CNTNAP2: variants seen among roughly 807,000 people sequenced by gnomAD.
CNTNAP2 encodes contactin associated protein 2.
Under a neutral mutation model 155.2 loss-of-function variants are expected in CNTNAP2, and 98 were observed. The observed-to-expected ratio is 0.63, with a 90% CI of 0.54 to 0.75. The LOEUF (loss-of-function observed/expected upper bound fraction) is 0.75, where lower values mean the gene tolerates loss of function less well. CNTNAP2 is among the 30% of genes least tolerant of loss of function. The probability of loss-of-function intolerance (pLI) is 0.00; values close to 1 mark genes in which losing one functional copy is unlikely to be tolerated. For synonymous variants in CNTNAP2, 651 were observed against 631.2 expected (o/e 1.03, Z -0.47); for missense variants, 1,727 against 1,688.1 (o/e 1.02, Z -0.40).
intron 8 of CNTNAP2, among the ~76,000 whole-genome samples, chr7:147,200,596 A>G (rs1322938549): frequency 6.6e-6 from 1 of 152,194 alleles, no homozygotes; most frequent in Non-Finnish European, 1.5e-5. Flanking sequence ...CTGCACAGGC[A>G]GACGCCACCA....
chr7:146,923,189 A>G (rs1039279029), intron 3 of CNTNAP2, among the ~76,000 whole-genome samples: 3 of 152,188 alleles, frequency 2.0e-5, no homozygotes, highest in Non-Finnish European at 4.4e-5. Context: ...GTTGTTGAGA[A>G]TTAAAAGAGA....
At chr7:147,328,282 G>A (rs1354237445) in intron 9 of CNTNAP2, among the ~76,000 whole-genome samples, 1 of 152,194 alleles carries the variant, frequency 6.6e-6, no homozygotes, top group Non-Finnish European at 1.5e-5. Context: ...TGTGAAAGGA[G>A]CTCTCAGCAA....
intron 15 of CNTNAP2, among the ~76,000 whole-genome samples, chr7:148,035,804 A>G (rs1336287910): frequency 6.6e-6 from 1 of 152,186 alleles, no homozygotes; most frequent in Admixed American, 6.5e-5. Flanking sequence ...TGAAACTCCA[A>G]CCCATGAGAG....
intron 21 of CNTNAP2, among the ~76,000 whole-genome samples, chr7:148,325,740 G>A (rs1377090135): frequency 6.6e-6 from 1 of 152,146 alleles, no homozygotes; most frequent in East Asian, 1.9e-4. Flanking sequence ...GAAGCTGGTG[G>A]GTGCCTTCCC....
At chr7:147,700,614 G>A (rs757123913) in intron 13 of CNTNAP2, among the ~76,000 whole-genome samples, 5 of 152,152 alleles carry the variant, frequency 3.3e-5, no homozygotes, top group Non-Finnish European at 7.3e-5. Context: ...ATATCAGAAG[G>A]AAGAAATGAA....
At chr7:146,334,941 C>T (rs1054857721) in intron 1 of CNTNAP2, among the ~76,000 whole-genome samples, 4 of 152,142 alleles carry the variant, frequency 2.6e-5, no homozygotes, top group Non-Finnish European at 5.9e-5. Context: ...CAGTTTTCAA[C>T]CCTCATTGAT....
intron 12 of CNTNAP2, among the ~76,000 whole-genome samples, chr7:147,586,169 T>C (rs1223269948): frequency 1.3e-5 from 2 of 152,112 alleles, no homozygotes; most frequent in Non-Finnish European, 2.9e-5. Context: ...GAAAGCAATG[T>C]CTGGGTTACG....
intron 18 of CNTNAP2, chr7:148,189,826 G>A (rs772318719): frequency 1.3e-5 from 2 of 152,138 alleles, no homozygotes; most frequent in African/African-American, 4.8e-5. Flanking sequence ...ACTTAAAAAC[G>A]GAAGGATCAG....
chr7:147,330,829 T>C (rs1305323322), intron 9 of CNTNAP2, among the ~76,000 whole-genome samples: 3 of 152,130 alleles, frequency 2.0e-5, no homozygotes, highest in East Asian at 1.9e-4. Context: ...TTTTCCCTAC[T>C]CTGATTATAA....
In CNTNAP2 at chr7:148,172,368, G is replaced by T. The variant is rs1805809291; in HGVS notation, c.2900G>T (p.Cys967Phe). The change falls in exon 18 of 24, where the codon TGC becomes TTC. Residue 967 changes from cysteine (C) to phenylalanine (F), a missense_variant. Cys to Phe is a radical substitution (Grantham distance 205). Transcript: ENST00000361727. Reference protein sequence around the residue: ...SGFISGCSGHCTSYGTNCENG... With the variant: ...SGFISGCSGHFTSYGTNCENG... ...TTCATATCCGGATGCTCGGGCCATTGCACCAGCTATGGAACAAACTGTGAA... is the reference window on the plus strand; with the variant it reads ...TTCATATCCGGATGCTCGGGCCATTTCACCAGCTATGGAACAAACTGTGAA... 6.2e-7 allele frequency: 1 copy of T among 1,614,138 alleles called. No homozygotes were observed. The highest frequency in any genetic ancestry group is 8.5e-7 in the Non-Finnish European group (1 of 1,180,030).
intron 1 of CNTNAP2, among the ~76,000 whole-genome samples, chr7:146,238,784 T>G (rs868789472): frequency 6.6e-6 from 1 of 152,112 alleles, no homozygotes; most frequent in Non-Finnish European, 1.5e-5. Flanking sequence ...CTTGCAATCA[T>G]GGCGGAAGGC....
chr7:148,327,665 T>G (rs1797915833), intron 21 of CNTNAP2, among the ~76,000 whole-genome samples: 1 of 152,202 alleles, frequency 6.6e-6, no homozygotes, highest in Admixed American at 6.5e-5. Flanking sequence ...TGGGATTATG[T>G]GTCTCCTAGA....
intron 2 of CNTNAP2, among the ~76,000 whole-genome samples, chr7:146,804,088 C>G (rs536939843): frequency 5.3e-5 from 8 of 152,136 alleles, no homozygotes; most frequent in African/African-American, 1.9e-4. Flanking sequence ...CTGCCTACAC[C>G]TTGTGACTAC....
intron 10 of CNTNAP2, among the ~76,000 whole-genome samples, chr7:147,448,056 A>C (rs1253397030): frequency 6.6e-6 from 1 of 152,126 alleles, no homozygotes; most frequent in Non-Finnish European, 1.5e-5. Context: ...AATACAATGG[A>C]TTTCAATCGA....
At chr7:146,687,309 A>T (rs1049055995) in intron 1 of CNTNAP2, among the ~76,000 whole-genome samples, 2 of 152,184 alleles carry the variant, frequency 1.3e-5, no homozygotes, top group South Asian at 4.1e-4. Context: ...CTTGAGCAAC[A>T]TAATTTCTCT....
At chr7:147,234,480 G>A (rs1803757282) in intron 8 of CNTNAP2, among the ~76,000 whole-genome samples, 1 of 151,674 alleles carries the variant, frequency 6.6e-6, no homozygotes, top group Non-Finnish European at 1.5e-5. Context: ...TGGGACTACA[G>A]GCGCCTGACA....
At position 146,977,947 on chromosome 7, in the gene CNTNAP2, G is replaced by A. The variant is rs151206765; in HGVS notation, c.403-65960G>A. ...GGCTTAAAAATAAAAAGGGATTGAA[G>A]ACTGTGTAAAGAAATGGAATTTTTT... On this transcript the variant is annotated intron_variant, in intron 3 of 23. Transcript: ENST00000361727. Among the ~76,000 whole-genome samples the A allele has an allele frequency of 6.3e-3, 963 of 152,228 alleles. 6 individuals carry two copies. Among genetic ancestry groups the A allele is most frequent in the South Asian group, 0.017 (83 of 4,822 alleles).
At chr7:147,174,342 G>A (rs1392491650) in intron 8 of CNTNAP2, among the ~76,000 whole-genome samples, 1 of 152,024 alleles carries the variant, frequency 6.6e-6, no homozygotes, top group Non-Finnish European at 1.5e-5. Flanking sequence ...TTCTTATCCA[G>A]GTATCCATTC....
intron 9 of CNTNAP2, among the ~76,000 whole-genome samples, chr7:147,338,605 T>G (rs931971468): frequency 6.6e-6 from 1 of 152,150 alleles, no homozygotes. Context: ...TTTTCAAATT[T>G]TTAATAGTAA....
Sources: allele counts gnomAD v4.1 joint callset (sites outside exome capture counted in the v4.1 genomes callset), GRCh38; gene constraint gnomAD v4.1.1; transcripts MANE v1.5; gene names NCBI Gene and HGNC (gene_info 2026-07-23, HGNC 2026-07-21).